CHN1: variants seen among roughly 807,000 people sequenced by gnomAD.
The protein encoded by CHN1 is chimerin 1.
In CHN1, 37 loss-of-function variants were observed where a neutral mutation model predicts 59.5. The ratio of observed to expected loss-of-function variants is 0.62; its 90% CI spans 0.48 to 0.82. CHN1 has a LOEUF of 0.82. Among genes scored for constraint, CHN1 ranks in the 40% least tolerant of loss-of-function variants. CHN1 has a pLI of 0.00. For missense variants in CHN1, 469 were observed against 571.0 expected (o/e 0.82, Z 1.82); for synonymous variants, 206 against 200.4 (o/e 1.03, Z -0.24).
chr2:174,886,532 TTTA>T (rs1172733789), intron 5 of CHN1, among the ~76,000 whole-genome samples: 14 of 152,294 alleles, frequency 9.2e-5, no homozygotes, highest in African/African-American at 2.6e-4. Flanking sequence ...GACAAAAGGA[TTTA>T]TTAAGTTTTA....
chr2:174,818,387 G>C (rs1685355721), intron 8 of CHN1, among the ~76,000 whole-genome samples: 1 of 152,186 alleles, frequency 6.6e-6, no homozygotes, highest in Non-Finnish European at 1.5e-5. Flanking sequence ...CAATTCACTA[G>C]CCCTGAGCTT....
intron 5 of CHN1, among the ~76,000 whole-genome samples, chr2:174,890,423 C>T (rs556659304): frequency 1.2e-4 from 18 of 152,256 alleles, no homozygotes; most frequent in African/African-American, 4.1e-4. Flanking sequence ...GCTACAGTAG[C>T]ATGTACCTGC....
chr2:174,806,718 G>A (rs1684896243), intron 11 of CHN1, among the ~76,000 whole-genome samples: 1 of 152,266 alleles, frequency 6.6e-6, no homozygotes, highest in East Asian at 1.9e-4. Flanking sequence ...TGCTCGGCAG[G>A]ATTCATGGCA....
chr2:174,936,566 TAAC>T (rs1340817878), intron 3 of CHN1, among the ~76,000 whole-genome samples: 5 of 152,164 alleles, frequency 3.3e-5, no homozygotes, highest in Non-Finnish European at 2.9e-5. Flanking sequence ...TAACATGAAA[TAAC>T]AAACAAAACC....
At chr2:174,964,334 C>A (rs191170722) in intron 1 of CHN1, among the ~76,000 whole-genome samples, 1 of 152,288 alleles carries the variant, frequency 6.6e-6, no homozygotes, top group African/African-American at 2.4e-5. Flanking sequence ...GAGTATTATT[C>A]TCTCCTAGAA....
At chr2:174,882,849 G>A (rs956733234) in intron 5 of CHN1, among the ~76,000 whole-genome samples, 1 of 152,078 alleles carries the variant, frequency 6.6e-6, no homozygotes, top group African/African-American at 2.4e-5. Context: ...TGATGCATTC[G>A]ATTAAGTACT....
intron 3 of CHN1, among the ~76,000 whole-genome samples, chr2:174,935,752 C>T (rs1345453904): frequency 1.3e-5 from 2 of 152,022 alleles, no homozygotes; most frequent in Non-Finnish European, 2.9e-5. Flanking sequence ...ATAGTAAGAC[C>T]TTATCTCTAC....
intron 2 of CHN1, among the ~76,000 whole-genome samples, chr2:174,950,112 T>A (rs929869608): frequency 2.7e-4 from 41 of 151,916 alleles, no homozygotes; most frequent in Non-Finnish European, 5.9e-4. Flanking sequence ...ATAAAATTTT[T>A]AAAAATCAAC....
At chr2:174,874,418 GC>G (rs1160157935) in intron 6 of CHN1, among the ~76,000 whole-genome samples, 1 of 152,054 alleles carries the variant, frequency 6.6e-6, no homozygotes, top group Non-Finnish European at 1.5e-5. Flanking sequence ...GATATTTCAG[GC>G]TGAGGAAGCA....
At chr2:174,956,546 G>A (rs895501396) in intron 1 of CHN1, among the ~76,000 whole-genome samples, 2 of 152,170 alleles carry the variant, frequency 1.3e-5, no homozygotes, top group South Asian at 2.1e-4. Flanking sequence ...CAAGAGGGGC[G>A]GGTCACCTGA....
chr2:174,898,865 G>C (rs1688298857), intron 5 of CHN1, among the ~76,000 whole-genome samples: 3 of 152,150 alleles, frequency 2.0e-5, no homozygotes, highest in African/African-American at 7.2e-5. Context: ...TGTATAAACA[G>C]GAAGTCCCTA....
At chr2:174,811,941 GCT>G (rs1349235999) in intron 9 of CHN1, among the ~76,000 whole-genome samples, 1 of 126,262 alleles carries the variant, frequency 7.9e-6, no homozygotes, top group Non-Finnish European at 1.6e-5. Context: ...TTAGGATGCA[GCT>G]CTGTTTTTGG....
At position 174,885,290 on chromosome 2, in the gene CHN1, A is replaced by AT. The variant is rs1287099935; in HGVS notation, c.261-7163_261-7162insA. 1.9e-3 allele frequency among the ~76,000 whole-genome samples: 283 copies of AT among 151,044 alleles called. 1 individual carries two copies. Among genetic ancestry groups the AT allele is most frequent in the African/African-American group, 6.6e-3 (271 of 41,076 alleles). The stretch of plus-strand genomic sequence containing the variant: ...ACTCGGTCTCAAAAAAAAGAAAAAA[A>AT]AATATATATATATAGAGAGAGAGAA... On this transcript the variant is annotated intron_variant, in intron 5 of 12. Coordinates refer to ENST00000409900, the MANE Select transcript of CHN1 (RefSeq NM_001822.7).
At chr2:175,000,137 A>ATT (rs71031080) in intron 1 of CHN1, among the ~76,000 whole-genome samples, 28 of 111,970 alleles carry the variant, frequency 2.5e-4, no homozygotes, top group African/African-American at 3.8e-4. Context: ...CACCTGGCTA[A>ATT]TTTTTTTTTT....
intron 7 of CHN1, among the ~76,000 whole-genome samples, chr2:174,837,623 C>T (rs1686133348): frequency 6.6e-6 from 1 of 152,084 alleles, no homozygotes; most frequent in Admixed American, 6.5e-5. Flanking sequence ...GGGCTACTGG[C>T]CTTTTCCTTT....
intron 1 of CHN1, among the ~76,000 whole-genome samples, chr2:174,988,273 C>T (rs1245570457): frequency 3.3e-5 from 5 of 150,372 alleles, no homozygotes; most frequent in Admixed American, 2.0e-4. Flanking sequence ...AGGAGAATGG[C>T]GTGAACCCGG....
chr2:174,909,443 G>T (rs552909736), intron 5 of CHN1, among the ~76,000 whole-genome samples: 302 of 152,250 alleles, frequency 2.0e-3, no homozygotes, highest in African/African-American at 7.2e-3. Flanking sequence ...GATGTTACTG[G>T]TCCAAGAATG....
intron 6 of CHN1, among the ~76,000 whole-genome samples, chr2:174,877,195 G>C (rs1687593115): frequency 6.6e-6 from 1 of 151,920 alleles, no homozygotes; most frequent in Admixed American, 6.5e-5. Context: ...ATGTTAACCT[G>C]AAATATATCA....
At chr2:174,932,346 T>C (rs1689374896) in intron 3 of CHN1, among the ~76,000 whole-genome samples, 1 of 152,228 alleles carries the variant, frequency 6.6e-6, no homozygotes, top group Non-Finnish European at 1.5e-5. Flanking sequence ...TTTATCTGAA[T>C]GCAAGCAGGA....
Sources: allele counts gnomAD v4.1 joint callset (sites outside exome capture counted in the v4.1 genomes callset), GRCh38; gene constraint gnomAD v4.1.1; transcripts MANE v1.5; gene names NCBI Gene and HGNC (gene_info 2026-07-23, HGNC 2026-07-21).